DGKZ: variants seen among roughly 807,000 people sequenced by gnomAD.
DGKZ encodes DAG kinase zeta.
Under a neutral mutation model 142.5 loss-of-function variants are expected in DGKZ, and 45 were observed. The ratio of observed to expected loss-of-function variants is 0.32; its 90% CI spans 0.25 to 0.40. The LOEUF (loss-of-function observed/expected upper bound fraction) is 0.40. Among genes scored for constraint, DGKZ ranks in the 10% least tolerant of loss-of-function variants. The pLI is 1.00. For missense variants in DGKZ, 755 were observed against 1,306.5 expected (o/e 0.58, Z 6.51); for synonymous variants, 442 against 527.0 (o/e 0.84, Z 2.21).
At position 46,372,250 on chromosome 11, in the gene DGKZ, G is replaced by T; in HGVS notation, c.927+80G>T. 1 of 1,422,262 alleles carries T rather than the reference G, an allele frequency of 7.0e-7. No homozygotes were observed. Among genetic ancestry groups the T allele is most frequent in the Non-Finnish European group, 9.6e-7 (1 of 1,044,558 alleles). 88.1% of individuals were successfully genotyped at this position (1,422,262 alleles called of 1,614,324 possible). A position where few individuals can be genotyped will look rare whatever the true frequency, so the allele number is the denominator to read the frequency against. ...CCGTCTGCCAGCAGCTGTTCCCAGA[G>T]CCCGTTTCTGGCTTCTACCCCAATC... is the stretch of plus-strand genomic sequence containing the variant. On this transcript the variant is annotated intron_variant, in intron 10 of 30. Transcript: ENST00000527911. The surrounding 1 kb of genome is among the most constrained non-coding windows in gnomAD (Gnocchi z 5.9).
chr11:46,365,715 C>G (rs1031015074), intron 1 of DGKZ: 1 of 985,318 alleles, frequency 1.0e-6, no homozygotes, highest in African/African-American at 1.7e-5. Flanking sequence ...TTGGTTTGCT[C>G]CATGTCCCAT....
intron 1 of DGKZ, among the ~76,000 whole-genome samples, chr11:46,336,424 A>C (rs1940019358): frequency 6.6e-6 from 1 of 152,148 alleles, no homozygotes; most frequent in Non-Finnish European, 1.5e-5. Context: ...GGTTTCCAAT[A>C]AGTCATAAAA....
chr11:46,337,548 G>T (rs765018671), intron 1 of DGKZ, among the ~76,000 whole-genome samples: 2 of 151,788 alleles, frequency 1.3e-5, no homozygotes, highest in Admixed American at 6.6e-5. Flanking sequence ...CATCCACCTC[G>T]GCCTCCCAAA....
At chr11:46,347,294 C>T, upstream of DGKZ, 4 of 984,164 alleles carry the variant, frequency 4.1e-6, no homozygotes, top group East Asian at 1.1e-4. The surrounding 1 kb of genome is among the most constrained non-coding windows in gnomAD (Gnocchi z 6.4). Context: ...TCTGCTGCCC[C>T]GCCCATTCGT....
At chr11:46,354,564 G>A (rs1305704717) in intron 1 of DGKZ, among the ~76,000 whole-genome samples, 2 of 152,202 alleles carry the variant, frequency 1.3e-5, no homozygotes, top group Non-Finnish European at 2.9e-5. Context: ...CGTTAGAAAA[G>A]TGTGCAGAAT....
chr11:46,372,171 G>A lies in DGKZ; in HGVS notation c.927+1G>A. 1 of 1,604,254 alleles carries A rather than the reference G, an allele frequency of 6.2e-7. No homozygotes were observed. The stretch of plus-strand genomic sequence containing the variant: ...GAACCCCAAGAGTGGGGGCAACCAG[G>A]TGAACGCGGCCTTGCCTCTCAGCTA... On this transcript the variant is annotated splice_donor_variant, in intron 10 of 30. Transcript: ENST00000527911. LOFTEE classifies it high-confidence loss of function. This position sits in a 1 kb window ranked among gnomAD's most constrained non-coding sequence, Gnocchi z 5.9.
chr11:46,334,659 G>GC (rs1436569559), intron 1 of DGKZ, among the ~76,000 whole-genome samples: 2 of 152,164 alleles, frequency 1.3e-5, no homozygotes, highest in African/African-American at 4.8e-5. Flanking sequence ...GTTCCCATGG[G>GC]CCCTACCTCC....
chr11:46,352,105 C>CCT (rs1941456701), intron 1 of DGKZ, among the ~76,000 whole-genome samples: 1 of 152,186 alleles, frequency 6.6e-6, no homozygotes, highest in African/African-American at 2.4e-5. Flanking sequence ...TCCCTGGAGG[C>CCT]CTCTCCAGAA....
intron 1 of DGKZ, among the ~76,000 whole-genome samples, chr11:46,355,675 G>T (rs1941934395): frequency 6.6e-6 from 1 of 152,200 alleles, no homozygotes; most frequent in South Asian, 2.1e-4. Context: ...CTGGAGAGTG[G>T]GGTGGGGCCC....
intron 24 of DGKZ, 150 bp downstream of exon 24, chr11:46,376,714 G>C (rs1378265343): frequency 9.4e-7 from 1 of 1,068,902 alleles, no homozygotes; most frequent in African/African-American, 1.6e-5. Context: ...TGCATGGACA[G>C]CGTGCGGCCC....
intron 1 of DGKZ, among the ~76,000 whole-genome samples, chr11:46,334,120 T>C (rs1939896211): frequency 6.6e-6 from 1 of 151,316 alleles, no homozygotes; most frequent in African/African-American, 2.4e-5. Context: ...CAGAGGGTCC[T>C]GGAGGAGCCA....
chr11:46,364,924 G>A, intron 1 of DGKZ: 1 of 985,444 alleles, frequency 1.0e-6, no homozygotes, highest in Non-Finnish European at 1.2e-6. Flanking sequence ...TCCCCCACCA[G>A]TCTCTCCCCA....
In DGKZ at chr11:46,379,869, C is replaced by T. The variant is rs1221295224; in HGVS notation, c.2727C>T (p.Asp909=). 6.2e-6 allele frequency: 10 copies of T among 1,610,712 alleles called. No homozygotes were observed. In the East Asian group the frequency reaches 8.9e-5, roughly 14 times the overall value. ...GGCAGCGGGCTGAGAAGGCTCAGGA[C>T]ACCGAGCTGGCCGCCTACCTGGAGA... is the stretch of plus-strand genomic sequence containing the variant. The change falls in exon 31 of 31, where the codon GAC becomes GAT. Residue 909 remains aspartate, a synonymous_variant. Transcript: ENST00000527911.
intron 20 of DGKZ, 64 bp downstream of exon 20, chr11:46,375,695 AT>A: frequency 1.3e-6 from 2 of 1,516,150 alleles, no homozygotes; most frequent in Non-Finnish European, 1.8e-6. Flanking sequence ...CTGGGCCTTG[AT>A]TTCCCCATCT....
intron 1 of DGKZ, chr11:46,365,573 C>T (rs1943157994): frequency 1.0e-6 from 1 of 985,304 alleles, no homozygotes; most frequent in African/African-American, 1.7e-5. Context: ...CCTGGTCTCC[C>T]CTGAGCTACA....
Position 46,367,545 on chromosome 11 carries a change from C to G in DGKZ, c.271-107C>G, listed in dbSNP as rs1264350108. Reference sequence around the variant, plus strand: ...GCAGACGGAACAGAGCAGGGTCGATCGGGGCGCTGGAGTGGGTTTGTCTTG... The same window carrying G: ...GCAGACGGAACAGAGCAGGGTCGATGGGGGCGCTGGAGTGGGTTTGTCTTG... On this transcript the variant is annotated intron_variant, in intron 2 of 30. Coordinates refer to ENST00000527911, the Ensembl canonical transcript of DGKZ. This position sits in a 1 kb window ranked among gnomAD's most constrained non-coding sequence, Gnocchi z 4.1. 3 of 791,374 alleles carry G rather than the reference C, an allele frequency of 3.8e-6. No homozygotes were observed. Among genetic ancestry groups the G allele is most frequent in the African/African-American group, 3.8e-5 (1 of 26,600 alleles). 49.0% of individuals were successfully genotyped at this position (791,374 alleles called of 1,614,324 possible).
At chr11:46,378,120 T>C (rs527684798) in intron 25 of DGKZ, 78 bp from the exon 26 acceptor site, 5 of 1,525,586 alleles carry the variant, frequency 3.3e-6, no homozygotes, top group East Asian at 2.3e-5. Flanking sequence ...AGGATGAAGA[T>C]GCCCCCAGTT....
chr11:46,380,046 G>A (rs1590664850), exon 31 of DGKZ: 8 of 1,208,270 alleles, frequency 6.6e-6, no homozygotes, highest in South Asian at 1.5e-5. Context: ...GCCACGGGGG[G>A]ACCTAGGCCC....
chr11:46,371,381 G>C, exon 7 of DGKZ: 4 of 1,613,766 alleles, frequency 2.5e-6, no homozygotes, highest in Non-Finnish European at 3.4e-6. Flanking sequence ...GGTGCAAGCA[G>C]GCAGTGAGTG....
Sources: allele counts gnomAD v4.1 joint callset (sites outside exome capture counted in the v4.1 genomes callset), GRCh38; gene constraint gnomAD v4.1.1; non-coding constraint Gnocchi (gnomAD v3.1); transcripts MANE v1.5; gene names NCBI Gene and HGNC (gene_info 2026-07-23, HGNC 2026-07-21).